ZNF609: variants seen among roughly 807,000 people sequenced by gnomAD.
ZNF609 encodes the protein zinc finger protein 609.
ZNF609 carries 11 observed loss-of-function variants against 109.5 expected under a neutral mutation model. That is an observed-to-expected ratio of 0.10 (90% confidence interval 0.06 to 0.17). The LOEUF is 0.17. ZNF609 is among the 10% of genes least tolerant of loss of function. The pLI, the probability that ZNF609 is intolerant of heterozygous loss-of-function variation, is 1.00. For missense variants in ZNF609, 1,559 were observed against 1,772.4 expected, an observed-to-expected ratio of 0.88 and a Z score of 2.16; for synonymous variants, 646 against 662.0, an observed-to-expected ratio of 0.98 and a Z score of 0.37.
intron 2 of ZNF609, among the ~76,000 whole-genome samples, chr15:64,572,902 G>T (rs1403439237): frequency 6.6e-6 from 1 of 151,862 alleles, no homozygotes; most frequent in Non-Finnish European, 1.5e-5. Flanking sequence ...ACTCCGTCTT[G>T]AGAAAAAAAA....
chr15:64,655,120 A>G (rs1896471456), intron 3 of ZNF609, among the ~76,000 whole-genome samples: 1 of 147,516 alleles, frequency 6.8e-6, no homozygotes, highest in Non-Finnish European at 1.5e-5. Flanking sequence ...TATAGCACCA[A>G]GTTGAGGGGA....
intron 3 of ZNF609, among the ~76,000 whole-genome samples, chr15:64,635,228 C>A (rs1301892235): frequency 6.6e-6 from 1 of 152,128 alleles, no homozygotes; most frequent in Non-Finnish European, 1.5e-5. Context: ...AAATGAGATT[C>A]TTTTTATATT....
At chr15:64,588,531 G>C (rs908960087) in intron 2 of ZNF609, among the ~76,000 whole-genome samples, 3 of 150,970 alleles carry the variant, frequency 2.0e-5, no homozygotes, top group Non-Finnish European at 4.4e-5. Flanking sequence ...TATTTGTGGA[G>C]ATGGTATCTC....
intron 2 of ZNF609, among the ~76,000 whole-genome samples, chr15:64,599,377 T>C (rs918383970): frequency 7.9e-5 from 12 of 152,302 alleles, no homozygotes; most frequent in African/African-American, 2.9e-4. Flanking sequence ...TGTTTGTTCA[T>C]AGCTGTATTC....
intron 3 of ZNF609, among the ~76,000 whole-genome samples, chr15:64,634,372 A>G (rs961151098): frequency 6.6e-6 from 1 of 152,146 alleles, no homozygotes; most frequent in South Asian, 2.1e-4. Context: ...TGCCCCAGCT[A>G]TTCTTCATCC....
chr15:64,519,231 A>G (rs1893858313), intron 2 of ZNF609, among the ~76,000 whole-genome samples: 1 of 152,146 alleles, frequency 6.6e-6, no homozygotes, highest in Non-Finnish European at 1.5e-5. Flanking sequence ...TGAATGAACA[A>G]CCAAGTAGAA....
In ZNF609 at chr15:64,480,777, T is replaced by C. The variant is rs150196536; in HGVS notation, c.-127-18516T>C. ...CTTGCTTAAATAAAAATGTCAGTCC[T>C]AATCAGAATAATGGGACTGAACTTG... On this transcript the variant is annotated intron_variant, in intron 1 of 9. Transcript: ENST00000326648. Among the ~76,000 whole-genome samples the C allele has an allele frequency of 0.02, 3,034 of 152,306 alleles. 239 individuals are homozygous for C. In the South Asian group the frequency reaches 0.28, roughly 14 times the overall value.
intron 4 of ZNF609, among the ~76,000 whole-genome samples, chr15:64,671,010 C>T (rs1391746284): frequency 2.0e-5 from 3 of 151,396 alleles, no homozygotes; most frequent in Non-Finnish European, 2.9e-5. Context: ...GAGATCGAGA[C>T]CATCCTGGCT....
At chr15:64,475,856 G>C (rs1332887716) in intron 1 of ZNF609, among the ~76,000 whole-genome samples, 1 of 152,078 alleles carries the variant, frequency 6.6e-6, no homozygotes, top group Non-Finnish European at 1.5e-5. Flanking sequence ...ATTAGAACTT[G>C]ATTCTTGAAA....
At chr15:64,593,801 G>A (rs1024189314) in intron 2 of ZNF609, among the ~76,000 whole-genome samples, 7 of 152,142 alleles carry the variant, frequency 4.6e-5, no homozygotes, top group Non-Finnish European at 7.4e-5. Context: ...GATTACAGGT[G>A]TAAGCCACTG....
chr15:64,574,088 G>A (rs1041809195), intron 2 of ZNF609, among the ~76,000 whole-genome samples: 6 of 151,450 alleles, frequency 4.0e-5, no homozygotes, highest in African/African-American at 1.5e-4. Context: ...TGATTTAGGG[G>A]CCCCTGTTCA....
At chr15:64,500,400 G>A (rs1041978113) in intron 2 of ZNF609, 19 of 738,088 alleles carry the variant, frequency 2.6e-5, no homozygotes, top group Non-Finnish European at 4.8e-6. Flanking sequence ...TGTTGTTGGG[G>A]GCAGCTACTT....
chr15:64,665,474 A>G (rs1896631736), intron 3 of ZNF609, among the ~76,000 whole-genome samples: 1 of 152,234 alleles, frequency 6.6e-6, no homozygotes, highest in Non-Finnish European at 1.5e-5. Context: ...ATTTAAGACC[A>G]GGTGCCGTGG....
intron 2 of ZNF609, among the ~76,000 whole-genome samples, chr15:64,532,003 T>C (rs1400202850): frequency 6.6e-6 from 1 of 152,192 alleles, no homozygotes; most frequent in African/African-American, 2.4e-5. Context: ...TGATCTGTGC[T>C]TCTCTCTGCC....
At chr15:64,525,891 C>T (rs113452091) in intron 2 of ZNF609, among the ~76,000 whole-genome samples, 3,184 of 151,802 alleles carry the variant, frequency 0.021, 121 homozygotes, top group African/African-American at 0.07. Flanking sequence ...CAGTTTCAAG[C>T]GATTCTCCTG....
intron 2 of ZNF609, among the ~76,000 whole-genome samples, chr15:64,539,355 C>T (rs944519148): frequency 2.0e-5 from 3 of 151,560 alleles, no homozygotes; most frequent in African/African-American, 7.3e-5. Context: ...CCACAGGCAC[C>T]CGCCACCACG....
At chr15:64,526,877 T>C (rs376208639) in intron 2 of ZNF609, among the ~76,000 whole-genome samples, 1 of 152,152 alleles carries the variant, frequency 6.6e-6, no homozygotes, top group Non-Finnish European at 1.5e-5. Flanking sequence ...CTCAAACTCT[T>C]GGGCTCAAAT....
chr15:64,526,102 T>C (rs2140368044), intron 2 of ZNF609, among the ~76,000 whole-genome samples: 1 of 148,160 alleles, frequency 6.7e-6, no homozygotes, highest in African/African-American at 2.5e-5. Flanking sequence ...GTTTTTTCTT[T>C]TCTTTTTTTT....
chr15:64,575,916 C>T (rs1418633656), intron 2 of ZNF609, among the ~76,000 whole-genome samples: 1 of 152,042 alleles, frequency 6.6e-6, no homozygotes, highest in African/African-American at 2.4e-5. Flanking sequence ...TCCTGGCTAA[C>T]GCAGTGAAAC....
Sources: allele counts gnomAD v4.1 joint callset (sites outside exome capture counted in the v4.1 genomes callset), GRCh38; gene constraint gnomAD v4.1.1; transcripts MANE v1.5; gene names NCBI Gene and HGNC (gene_info 2026-07-23, HGNC 2026-07-21).